RILPL1: variants seen among roughly 807,000 people sequenced by gnomAD.
RILPL1 encodes Rab interacting lysosomal protein like 1, also known as RILP-like protein 1.
RILPL1 carries 33 observed loss-of-function variants against 50.3 expected under a neutral mutation model. The ratio of observed to expected loss-of-function variants is 0.66; its 90% CI spans 0.50 to 0.88. RILPL1 has a LOEUF of 0.88. RILPL1 is among the 40% of genes least tolerant of loss of function. RILPL1 has a pLI of 0.00. For synonymous variants in RILPL1, 205 were observed against 228.6 expected (o/e 0.90, Z 0.93); for missense variants, 418 against 542.5 (o/e 0.77, Z 2.28).
chr12:123,520,624 A>AT (rs1047983082), intron 2 of RILPL1, among the ~76,000 whole-genome samples: 3 of 152,182 alleles, frequency 2.0e-5, no homozygotes, highest in African/African-American at 7.2e-5. Flanking sequence ...GGAAATTGGG[A>AT]TAGGGTTCCG....
At position 123,533,563 on chromosome 12, in the gene RILPL1, G is replaced by A. The variant is rs1885529383; in HGVS notation, c.-81C>T. 4.1e-6 allele frequency: 5 copies of A among 1,220,584 alleles called. No individual in the cohort carries two copies. Among genetic ancestry groups the A allele is most frequent in the South Asian group, 2.3e-5 (1 of 42,964 alleles). 75.6% of individuals were successfully genotyped at this position (1,220,584 alleles called of 1,614,324 possible). ...CCGCTGTCGAGGGCCGGGCCGGCCGGGCCCAGCCTGGGCCGCGGGCGGGCG... is the reference window on the plus strand; with the variant it reads ...CCGCTGTCGAGGGCCGGGCCGGCCGAGCCCAGCCTGGGCCGCGGGCGGGCG... On this transcript the variant is annotated 5_prime_UTR_variant, in exon 1 of 7. Transcript: ENST00000376874. This position sits in a 1 kb window ranked among gnomAD's most constrained non-coding sequence, Gnocchi z 6.2.
chr12:123,489,586 C>G lies in RILPL1; in HGVS notation c.802-3781G>C, dbSNP rs1221866218. ...GGCTGAGGCAGGAGAATTGCTTGAA[C>G]CCAGGAGATGGAGGTTACAGTGAGC... is the stretch of plus-strand genomic sequence containing the variant. On this transcript the variant is annotated intron_variant, in intron 4 of 6. Transcript: ENST00000376874. This position sits in a 1 kb window ranked among gnomAD's most constrained non-coding sequence, Gnocchi z 4.0. Among the ~76,000 whole-genome samples, 2 of 151,952 alleles carry G rather than the reference C, an allele frequency of 1.3e-5. No homozygotes were observed. Among genetic ancestry groups the G allele is most frequent in the Non-Finnish European group, 2.9e-5 (2 of 68,006 alleles).
intron 2 of RILPL1, among the ~76,000 whole-genome samples, chr12:123,521,034 T>TCAA (rs1420651893): frequency 2.0e-5 from 3 of 152,216 alleles, no homozygotes; most frequent in Non-Finnish European, 4.4e-5. Context: ...ACTAACTTGC[T>TCAA]GTGTGACCTT....
chr12:123,488,801 C>G (rs997943994), intron 4 of RILPL1, among the ~76,000 whole-genome samples: 12 of 152,222 alleles, frequency 7.9e-5, no homozygotes, highest in African/African-American at 2.9e-4. Context: ...GCCGCCCTCG[C>G]AAGCTGTCTG....
intron 2 of RILPL1, among the ~76,000 whole-genome samples, chr12:123,516,754 C>G (rs1262458961): frequency 6.6e-6 from 1 of 152,164 alleles, no homozygotes; most frequent in Non-Finnish European, 1.5e-5. Flanking sequence ...AAATCCAATA[C>G]CTGGTGTCCT....
chr12:123,478,584 G>C (rs913665982), intron 6 of RILPL1, among the ~76,000 whole-genome samples: 2 of 149,034 alleles, frequency 1.3e-5, no homozygotes, highest in Non-Finnish European at 3.0e-5. Flanking sequence ...AGCGAGGGGG[G>C]TGGTGGGTGG....
chr12:123,528,520 C>T (rs376550222), intron 1 of RILPL1, among the ~76,000 whole-genome samples: 403 of 151,720 alleles, frequency 2.7e-3, no homozygotes, highest in African/African-American at 4.3e-3. Flanking sequence ...CTCCGCCTCC[C>T]GGGTTCATGC....
chr12:123,517,084 A>C (rs1376161967), intron 2 of RILPL1, among the ~76,000 whole-genome samples: 1 of 152,084 alleles, frequency 6.6e-6, no homozygotes, highest in Non-Finnish European at 1.5e-5. Context: ...AAAAACAAAC[A>C]AAAAAATCCC....
At chr12:123,532,344 C>A (rs1885463518) in intron 1 of RILPL1, among the ~76,000 whole-genome samples, 1 of 152,166 alleles carries the variant, frequency 6.6e-6, no homozygotes, top group African/African-American at 2.4e-5. Context: ...TGGGGAGGCC[C>A]TGATTCAGAG....
intron 2 of RILPL1, among the ~76,000 whole-genome samples, chr12:123,509,635 T>C (rs58114154): frequency 0.022 from 3,358 of 151,504 alleles, 111 homozygotes; most frequent in African/African-American, 0.073. Flanking sequence ...ACCTTATGCT[T>C]AGTGAAAAAG....
At chr12:123,513,048 T>TG in intron 2 of RILPL1, among the ~76,000 whole-genome samples, 1 of 138,064 alleles carries the variant, frequency 7.2e-6, no homozygotes, top group South Asian at 2.3e-4. Flanking sequence ...GTGTGTGAGG[T>TG]TTGTGTGTGA....
At chr12:123,517,651 G>A (rs1203037333) in intron 2 of RILPL1, among the ~76,000 whole-genome samples, 1 of 151,976 alleles carries the variant, frequency 6.6e-6, no homozygotes, top group Non-Finnish European at 1.5e-5. Flanking sequence ...CAAACTCCTG[G>A]CCCCAAGTGA....
intron 6 of RILPL1, chr12:123,473,201 TAAG>T (rs1881324315): frequency 6.3e-6 from 1 of 159,888 alleles, no homozygotes; most frequent in African/African-American, 2.4e-5. Flanking sequence ...AGGAAGTACT[TAAG>T]AAAAATGAAC....
chr12:123,528,258 C>A (rs1885326161), intron 1 of RILPL1, among the ~76,000 whole-genome samples: 1 of 151,184 alleles, frequency 6.6e-6, no homozygotes, highest in Admixed American at 6.6e-5. Flanking sequence ...ACTTGGGAAG[C>A]TGAGGCGGGA....
At chr12:123,512,490 GTGTGTGTGGTGTGAGATC>G (rs1231406529) in intron 2 of RILPL1, among the ~76,000 whole-genome samples, 1 of 145,616 alleles carries the variant, frequency 6.9e-6, no homozygotes, top group East Asian at 2.1e-4. Flanking sequence ...TGAGGTCTGT[GTGTGTGTGGTGTGAGATC>G]TGTGTGTGTG....
At chr12:123,501,653 G>A (rs1883394490) in intron 2 of RILPL1, among the ~76,000 whole-genome samples, 1 of 151,304 alleles carries the variant, frequency 6.6e-6, no homozygotes, top group Non-Finnish European at 1.5e-5. Context: ...CCAGCTACTC[G>A]GGAGGCTGAG....
Position 123,522,380 on chromosome 12 carries a change from T to C in RILPL1, c.460+1115A>G, listed in dbSNP as rs1031948499. Among the ~76,000 whole-genome samples, 1 of 152,182 alleles carries C rather than the reference T, an allele frequency of 6.6e-6. No individual in the cohort carries two copies. The highest frequency in any genetic ancestry group is 1.5e-5 in the Non-Finnish European group (1 of 68,028). On this transcript the variant is annotated intron_variant, in intron 2 of 6. Coordinates refer to ENST00000376874, the MANE Select transcript of RILPL1 (RefSeq NM_178314.5). This position sits in a 1 kb window ranked among gnomAD's most constrained non-coding sequence, Gnocchi z 4.0. ...GCCCTGCATGAAGGTTCTAAACAAG[T>C]GCTTATTGGATAAGTGACAGTTCAG...
intron 2 of RILPL1, among the ~76,000 whole-genome samples, chr12:123,513,164 G>T (rs1331339403): frequency 6.6e-6 from 1 of 151,330 alleles, no homozygotes; most frequent in African/African-American, 2.4e-5. Flanking sequence ...TGAGGTCTGT[G>T]TGTGTGGCGT....
chr12:123,498,665 A>G lies in RILPL1; in HGVS notation c.680T>C (p.Val227Ala), dbSNP rs571964275. The G allele has an allele frequency of 4.3e-6, 7 of 1,613,424 alleles. No individual in the cohort carries two copies. Among genetic ancestry groups the G allele is most frequent in the African/African-American group, 1.3e-5 (1 of 74,894 alleles). The change falls in exon 4 of 7, where the codon GTG becomes GCG. Residue 227 changes from valine to alanine, a missense_variant. By Grantham distance (64) the Val-to-Ala change is moderately conservative. Transcript: ENST00000376874. This position sits in a 1 kb window ranked among gnomAD's most constrained non-coding sequence, Gnocchi z 4.3. ...GGTCTGCAGGTCTGCCTCCAGCTCC[A>G]CCTTCTGTTCGATCAGGGCTTTCCC... is the stretch of plus-strand genomic sequence containing the variant. ...AQGKALIEQK[V>A]ELEADLQTKE...
Sources: gnomAD v4.1 joint callset for allele counts (sites outside exome capture counted in the v4.1 genomes callset) on GRCh38, gnomAD v4.1.1 for gene constraint, Gnocchi (gnomAD v3.1) non-coding constraint, MANE v1.5 for transcripts, NCBI Gene and HGNC (gene_info 2026-07-23, HGNC 2026-07-21) for gene names.